Variants in CCDC7 observed in about 807,000 individuals in gnomAD.
The protein encoded by CCDC7 is coiled-coil domain-containing protein 7.
In CCDC7, 183 loss-of-function variants were observed where a neutral mutation model predicts 196.9. The ratio of observed to expected loss-of-function variants is 0.93; its 90% confidence interval spans 0.82 to 1.05. CCDC7 has a LOEUF of 1.05. Among genes scored for constraint, CCDC7 ranks in the 50% least tolerant of loss-of-function variants. CCDC7 has a pLI of 0.00. For missense variants in CCDC7, 1,540 were observed against 1,482.2 expected, an observed-to-expected ratio of 1.04 and a Z score of -0.64; for synonymous variants, 525 against 484.6, an observed-to-expected ratio of 1.08 and a Z score of -1.10.
At position 32,706,902 on chromosome 10, in the gene CCDC7, C is replaced by G. The variant is rs1033349435; in HGVS notation, c.2459-4718C>G. Among the ~76,000 whole-genome samples, 4 of 152,194 alleles carry G rather than the reference C, an allele frequency of 2.6e-5. No homozygotes were observed. In the South Asian group the frequency reaches 8.3e-4, roughly 32 times the overall value. On this transcript the variant is annotated intron_variant, in intron 24 of 41. Coordinates refer to ENST00000639629, the Ensembl canonical transcript of CCDC7. ...ATTCTACCAGAGGTACAAAGAGGAG[C>G]TGATACCATTCCTTGTGAAATTATT... is the stretch of plus-strand genomic sequence containing the variant.
intron 28 of CCDC7, among the ~76,000 whole-genome samples, chr10:32,776,897 CT>C (rs199591134): frequency 3.3e-5 from 5 of 151,270 alleles, no homozygotes; most frequent in East Asian, 1.9e-4. Context: ...ACTATGTGTA[CT>C]TTTTTTTTAC....
intron 9 of CCDC7, among the ~76,000 whole-genome samples, chr10:32,516,079 C>A (rs980267164): frequency 1.3e-5 from 2 of 151,516 alleles, no homozygotes; most frequent in African/African-American, 2.4e-5. Context: ...TGAAAAAAAA[C>A]CACTCATAGA....
rs541532452 is a variant in CCDC7, at chr10:32,827,843, A to AT, written c.3268+3245dup. Reference sequence around the variant, plus strand: ...TTTTAAAATGGCCCTGCAAAGCCATATTTTTTGTGGGAGAAATTTCTATCT... The same window carrying AT: ...TTTTAAAATGGCCCTGCAAAGCCATATTTTTTTGTGGGAGAAATTTCTATCT... On this transcript the variant is annotated intron_variant, in intron 32 of 41. Transcript: ENST00000639629. 7.1e-3 allele frequency among the ~76,000 whole-genome samples: 1,075 copies of AT among 152,304 alleles called. 12 individuals carry two copies. The highest frequency in any genetic ancestry group is 0.025 in the African/African-American group (1,022 of 41,562).
In CCDC7 at chr10:32,528,693, C is replaced by T. The variant is rs1397386929; in HGVS notation, c.993+10188C>T. Among the ~76,000 whole-genome samples, 191 of 113,054 alleles carry T rather than the reference C, an allele frequency of 1.7e-3. 1 individual carries two copies. The East Asian group carries it at 0.047, about 28-fold the overall frequency. The allele number at this position is 113,054 out of a possible 152,430, so 74.2% of individuals were successfully genotyped here. On this transcript the variant is annotated intron_variant, in intron 11 of 41. Coordinates refer to ENST00000639629, the Ensembl canonical transcript of CCDC7. ...ACATATATATATGCATATATATACA[C>T]ACACATATATATGTATATATACATA...
chr10:32,733,681 CTAAGA>C (rs1381200244), intron 28 of CCDC7, among the ~76,000 whole-genome samples: 30 of 152,090 alleles, frequency 2.0e-4, no homozygotes, highest in Middle Eastern at 3.4e-3. Flanking sequence ...TTCTATATTA[CTAAGA>C]TAAGTATGTT....
At chr10:32,503,284 C>T (rs2044367567) in intron 9 of CCDC7, among the ~76,000 whole-genome samples, 1 of 152,036 alleles carries the variant, frequency 6.6e-6, no homozygotes, top group Non-Finnish European at 1.5e-5. Context: ...CTATGGGGTT[C>T]TGATATATGG....
intron 31 of CCDC7, among the ~76,000 whole-genome samples, chr10:32,821,398 G>T (rs1181625239): frequency 6.6e-6 from 1 of 152,180 alleles, no homozygotes; most frequent in African/African-American, 2.4e-5. Flanking sequence ...GTGGAAGTCA[G>T]TGTGGCGATT....
chr10:32,809,705 A>G (rs919619440), intron 30 of CCDC7, among the ~76,000 whole-genome samples: 2 of 152,182 alleles, frequency 1.3e-5, no homozygotes, highest in Non-Finnish European at 2.9e-5. Context: ...TTAGAATGGC[A>G]ATCATTAAAA....
intron 28 of CCDC7, among the ~76,000 whole-genome samples, chr10:32,764,162 A>G (rs1805225365): frequency 6.6e-6 from 1 of 151,700 alleles, no homozygotes. Flanking sequence ...GCCTCCCTTG[A>G]GATAGTTACC....
intron 28 of CCDC7, among the ~76,000 whole-genome samples, chr10:32,758,755 G>A (rs2076916513): frequency 1.3e-5 from 2 of 152,054 alleles, no homozygotes; most frequent in African/African-American, 4.8e-5. Context: ...AGAGAAATCA[G>A]GCAGGAGAAG....
rs892142239 is a variant in CCDC7, at chr10:32,485,051, T to A, written c.797-6871T>A. On this transcript the variant is annotated intron_variant, in intron 8 of 41. Coordinates refer to ENST00000639629, the Ensembl canonical transcript of CCDC7. ...GAGCATTCCGTCTTTTTCTATTGAT[T>A]GGAATAGTTTCAGAAGGAGTGGTAC... Among the ~76,000 whole-genome samples, 6 of 152,346 alleles carry A rather than the reference T, an allele frequency of 3.9e-5. No individual in the cohort carries two copies. The South Asian group carries it at 1.0e-3, about 26-fold the overall frequency.
chr10:32,725,433 T>G (rs1235515086), intron 25 of CCDC7: 2 of 470,098 alleles, frequency 4.3e-6, no homozygotes, highest in African/African-American at 4.0e-5. Context: ...TACTTGTTTT[T>G]TTGTTCCATA....
intron 28 of CCDC7, among the ~76,000 whole-genome samples, chr10:32,757,142 C>G (rs942223989): frequency 4.6e-5 from 7 of 152,040 alleles, no homozygotes; most frequent in Non-Finnish European, 8.8e-5. Context: ...GACTCCCACA[C>G]AATAATAATG....
At chr10:32,747,706 A>G (rs2075020013) in intron 28 of CCDC7, among the ~76,000 whole-genome samples, 1 of 152,214 alleles carries the variant, frequency 6.6e-6, no homozygotes, top group African/African-American at 2.4e-5. Flanking sequence ...AAAGTAAAAA[A>G]TAACAGATCC....
intron 13 of CCDC7, among the ~76,000 whole-genome samples, chr10:32,553,153 A>G (rs1169252056): frequency 9.8e-5 from 14 of 142,184 alleles, no homozygotes; most frequent in Non-Finnish European, 2.1e-4. Context: ...AATTGGGTTA[A>G]TTTGACGACT....
intron 20 of CCDC7, among the ~76,000 whole-genome samples, chr10:32,640,240 A>ATTTAGGATATTTAG: frequency 6.6e-6 from 1 of 152,300 alleles, no homozygotes; most frequent in South Asian, 2.1e-4. Flanking sequence ...TTGGGTGCAT[A>ATTTAGGATATTTAG]CATATTTAGG....
At chr10:32,753,708 T>A (rs548028379) in intron 28 of CCDC7, among the ~76,000 whole-genome samples, 12 of 152,222 alleles carry the variant, frequency 7.9e-5, no homozygotes, top group Non-Finnish European at 1.6e-4. Flanking sequence ...TTTCTTTTGC[T>A]ACCATTTCTC....
Position 32,803,621 on chromosome 10 carries a change from T to A in CCDC7, c.3014-1394T>A, listed in dbSNP as rs151181557. Reference sequence around the variant, plus strand: ...TTCATTCACTGTCAGTCTATGTGTGTCTTTACAGGTAAAATGAATTTCTTG... The same window carrying A: ...TTCATTCACTGTCAGTCTATGTGTGACTTTACAGGTAAAATGAATTTCTTG... On this transcript the variant is annotated intron_variant, in intron 29 of 41. Coordinates refer to ENST00000639629, the Ensembl canonical transcript of CCDC7. Among the ~76,000 whole-genome samples, 19 of 152,276 alleles carry A rather than the reference T, an allele frequency of 1.2e-4. No individual in the cohort carries two copies. In the East Asian group the frequency reaches 3.7e-3, roughly 29 times the overall value.
At chr10:32,596,376 C>G (rs552663930) in intron 18 of CCDC7, among the ~76,000 whole-genome samples, 2 of 151,728 alleles carry the variant, frequency 1.3e-5, no homozygotes, top group African/African-American at 4.8e-5. Context: ...TTTTTGTTTT[C>G]CATTTGCTTG....
Sources: gnomAD v4.1 joint callset for allele counts (sites outside exome capture counted in the v4.1 genomes callset) on GRCh38, gnomAD v4.1.1 for gene constraint, MANE v1.5 for transcripts, NCBI Gene and HGNC (gene_info 2026-07-23, HGNC 2026-07-21) for gene names.